Variants in PAPSS1 observed in about 807,000 individuals in gnomAD.
PAPSS1 encodes 3'-phosphoadenosine 5'-phosphosulfate synthase 1.
PAPSS1 carries 50 observed loss-of-function variants against 72.0 expected under a neutral mutation model. The ratio of observed to expected loss-of-function variants is 0.69; its 90% confidence interval spans 0.55 to 0.88. The LOEUF is 0.88. Among genes scored for constraint, PAPSS1 ranks in the 40% least tolerant of loss-of-function variants. PAPSS1 has a pLI of 0.00. For synonymous variants in PAPSS1, 261 were observed against 263.6 expected, an observed-to-expected ratio of 0.99 and a Z score of 0.09; for missense variants, 657 against 782.2, an observed-to-expected ratio of 0.84 and a Z score of 1.91.
intron 11 of PAPSS1, among the ~76,000 whole-genome samples, chr4:107,619,164 A>G (rs965711069): frequency 1.3e-5 from 2 of 152,328 alleles, no homozygotes; most frequent in Middle Eastern, 3.4e-3. Context: ...AACTTTTTGG[A>G]AAAAAGCCAG....
chr4:107,638,996 T>A (rs1374603189), intron 10 of PAPSS1, among the ~76,000 whole-genome samples: 3 of 152,158 alleles, frequency 2.0e-5, no homozygotes, highest in African/African-American at 7.2e-5. Flanking sequence ...TTCCTATTCA[T>A]ACTGAGCTAC....
chr4:107,630,280 C>G (rs925505428), intron 11 of PAPSS1, among the ~76,000 whole-genome samples: 1 of 152,126 alleles, frequency 6.6e-6, no homozygotes, highest in African/African-American at 2.4e-5. Context: ...TTGAAGTCCC[C>G]TCACGTATGT....
At chr4:107,632,292 A>G (rs1726243532) in intron 10 of PAPSS1, among the ~76,000 whole-genome samples, 1 of 152,112 alleles carries the variant, frequency 6.6e-6, no homozygotes, top group Admixed American at 6.6e-5. Flanking sequence ...TTCTTGATCC[A>G]GTATCTGGGT....
intron 11 of PAPSS1, among the ~76,000 whole-genome samples, chr4:107,618,720 T>C (rs1281087583): frequency 6.6e-6 from 1 of 152,118 alleles, no homozygotes; most frequent in Admixed American, 6.5e-5. Flanking sequence ...TGCATGTGAA[T>C]GAATATATAA....
intron 9 of PAPSS1, among the ~76,000 whole-genome samples, chr4:107,646,121 C>A (rs1269782198): frequency 6.6e-6 from 1 of 151,874 alleles, no homozygotes; most frequent in East Asian, 1.9e-4. Flanking sequence ...ACATTAGGTA[C>A]AAAAAACAGA....
intron 1 of PAPSS1, among the ~76,000 whole-genome samples, chr4:107,704,536 T>C (rs1223493759): frequency 6.6e-6 from 1 of 152,226 alleles, no homozygotes; most frequent in Non-Finnish European, 1.5e-5. Flanking sequence ...TTTTCCTAAT[T>C]TGTTGAGAGT....
intron 5 of PAPSS1, among the ~76,000 whole-genome samples, chr4:107,675,914 A>C (rs1235440314): frequency 6.6e-6 from 1 of 152,230 alleles, no homozygotes; most frequent in African/African-American, 2.4e-5. Context: ...CAGCATATAA[A>C]CAGAACCAAA....
At position 107,693,878 on chromosome 4, in the gene PAPSS1, T is replaced by G; in HGVS notation, c.304A>C (p.Ser102Arg). 2 of 1,613,934 alleles carry G rather than the reference T, an allele frequency of 1.2e-6. No individual in the cohort carries two copies. Among genetic ancestry groups the G allele is most frequent in the Non-Finnish European group, 1.7e-6 (2 of 1,179,854 alleles). ...RQGLNKNLGF[S>R]PEDREENVRR... ...ACATTCTCTTCTCTGTCTTCAGGAC[T>G]AAAGCCAAGATTTTTATTGAGACCT... is the stretch of plus-strand genomic sequence containing the variant. The change falls in exon 3 of 12, where the codon AGT (serine) becomes CGT (arginine). Residue 102 changes from serine (S) to arginine (R), a missense_variant. By Grantham distance (110) the Ser-to-Arg change is moderately radical (BLOSUM62 -1). Coordinates refer to ENST00000265174, the MANE Select transcript of PAPSS1 (RefSeq NM_005443.5).
At chr4:107,699,428 G>C (rs538537927) in intron 2 of PAPSS1, among the ~76,000 whole-genome samples, 104 of 152,290 alleles carry the variant, frequency 6.8e-4, no homozygotes, top group Non-Finnish European at 1.3e-3. Flanking sequence ...GTGGGACAGA[G>C]CAGAGGGCCC....
At position 107,662,330 on chromosome 4, in the gene PAPSS1, T is replaced by G. The variant is rs74695932; in HGVS notation, c.670-2258A>C. The stretch of plus-strand genomic sequence containing the variant: ...TGTATACCTTCCAAATCTTCTGCAA[T>G]TAAGCTTCCAGCAGGCACCCATAGC... On this transcript the variant is annotated intron_variant, in intron 5 of 11. Coordinates refer to ENST00000265174, the MANE Select transcript of PAPSS1 (RefSeq NM_005443.5). 5.2e-3 allele frequency among the ~76,000 whole-genome samples: 791 copies of G among 152,292 alleles called. 35 individuals carry two copies. The South Asian group carries it at 0.11, about 22-fold the overall frequency.
At chr4:107,657,652 G>C (rs534853047) in intron 6 of PAPSS1, among the ~76,000 whole-genome samples, 2 of 151,856 alleles carry the variant, frequency 1.3e-5, no homozygotes, top group African/African-American at 2.4e-5. Context: ...GCCAGGAATC[G>C]CTTGAGCCCA....
At chr4:107,669,303 C>T (rs1727409178) in intron 5 of PAPSS1, among the ~76,000 whole-genome samples, 1 of 152,132 alleles carries the variant, frequency 6.6e-6, no homozygotes, top group South Asian at 2.1e-4. Context: ...CCCTAATGCC[C>T]ACTGGGATTC....
chr4:107,644,109 C>T (rs1726631225), intron 10 of PAPSS1, among the ~76,000 whole-genome samples: 2 of 152,196 alleles, frequency 1.3e-5, no homozygotes, highest in South Asian at 4.1e-4. Context: ...CTAGACCATG[C>T]TCTTTCGGGT....
intron 9 of PAPSS1, among the ~76,000 whole-genome samples, chr4:107,652,000 A>C (rs1726852535): frequency 6.6e-6 from 1 of 152,198 alleles, no homozygotes; most frequent in East Asian, 1.9e-4. Flanking sequence ...AATGCCTACC[A>C]GGAGCATTCT....
intron 11 of PAPSS1, among the ~76,000 whole-genome samples, chr4:107,618,475 G>A (rs1725879478): frequency 6.6e-6 from 1 of 151,674 alleles, no homozygotes; most frequent in African/African-American, 2.4e-5. Flanking sequence ...TGAGTGCCAG[G>A]AGAAGAAACA....
intron 11 of PAPSS1, among the ~76,000 whole-genome samples, chr4:107,619,189 T>C (rs574473314): frequency 6.6e-6 from 1 of 152,344 alleles, no homozygotes; most frequent in East Asian, 1.9e-4. Context: ...ATTAAAGTCC[T>C]TTCTTTCCCC....
chr4:107,685,977 TTTTG>T (rs1312028877), intron 4 of PAPSS1, among the ~76,000 whole-genome samples: 12 of 152,166 alleles, frequency 7.9e-5, no homozygotes, highest in African/African-American at 2.2e-4. Flanking sequence ...TAGTTAGTTT[TTTTG>T]TTTGTTTTGT....
At chr4:107,643,416 C>T (rs1388450337) in intron 10 of PAPSS1, among the ~76,000 whole-genome samples, 1 of 152,132 alleles carries the variant, frequency 6.6e-6, no homozygotes, top group Non-Finnish European at 1.5e-5. Context: ...CTCTGAAGGG[C>T]CTTTCCAGAG....
At chr4:107,706,747 G>T (rs185693350) in intron 1 of PAPSS1, among the ~76,000 whole-genome samples, 40 of 152,230 alleles carry the variant, frequency 2.6e-4, no homozygotes, top group South Asian at 8.3e-4. Context: ...TCCAGTCTTT[G>T]TAGACTGGCT....
Sources: allele counts gnomAD v4.1 joint callset (sites outside exome capture counted in the v4.1 genomes callset), GRCh38; gene constraint gnomAD v4.1.1; transcripts MANE v1.5; gene names NCBI Gene and HGNC (gene_info 2026-07-23, HGNC 2026-07-21).